UNC79: variants seen among roughly 807,000 people sequenced by gnomAD.
UNC79 encodes the protein protein unc-79 homolog.
A neutral mutation model predicts 283.1 loss-of-function variants in UNC79; 37 were observed. The ratio of observed to expected loss-of-function variants is 0.13; its 90% confidence interval spans 0.10 to 0.17. The LOEUF (loss-of-function observed/expected upper bound fraction) is 0.17, where lower values mean the gene tolerates loss of function less well. Ranked by LOEUF, UNC79 falls within the 10% of genes least tolerant of loss-of-function variation. The pLI is 1.00. For synonymous variants in UNC79, 1,107 were observed against 1,200.2 expected (o/e 0.92, Z 1.61); for missense variants, 2,272 against 3,211.1 (o/e 0.71, Z 7.07).
At chr14:93,524,147 CT>C in intron 8 of UNC79, 105 bp downstream of exon 8, 1 of 1,279,480 alleles carries the variant, frequency 7.8e-7, no homozygotes, top group Non-Finnish European at 1.1e-6. Context: ...GGCATGTCCT[CT>C]GTAGTAATTC....
intron 1 of UNC79, among the ~76,000 whole-genome samples, chr14:93,448,356 C>A (rs895439506): frequency 4.6e-5 from 7 of 151,998 alleles, no homozygotes; most frequent in Non-Finnish European, 7.4e-5. Context: ...TCTTGTTCTT[C>A]TTGCATGATT....
At chr14:93,613,896 CTTTG>C (rs1189687447) in intron 27 of UNC79, among the ~76,000 whole-genome samples, 1 of 152,118 alleles carries the variant, frequency 6.6e-6, no homozygotes, top group African/African-American at 2.4e-5. Context: ...TGTTCCAATA[CTTTG>C]TTTGGTGTAA....
At chr14:93,666,302 G>T (rs963646681) in intron 40 of UNC79, among the ~76,000 whole-genome samples, 1 of 152,048 alleles carries the variant, frequency 6.6e-6, no homozygotes, top group Non-Finnish European at 1.5e-5. Context: ...ATAAGCACAC[G>T]TAGGATGACA....
At chr14:93,505,289 A>C (rs138164709) in intron 7 of UNC79, among the ~76,000 whole-genome samples, 1 of 152,024 alleles carries the variant, frequency 6.6e-6, no homozygotes, top group South Asian at 2.1e-4. Context: ...GGATTTGTCT[A>C]TTCCTCTTTG....
intron 1 of UNC79, among the ~76,000 whole-genome samples, chr14:93,345,387 T>C (rs1248596878): frequency 6.6e-6 from 1 of 152,160 alleles, no homozygotes; most frequent in Non-Finnish European, 1.5e-5. Flanking sequence ...CATAAGATAC[T>C]TGAATAAAAC....
intron 14 of UNC79, among the ~76,000 whole-genome samples, chr14:93,560,909 G>A: frequency 6.6e-6 from 1 of 152,102 alleles, no homozygotes; most frequent in East Asian, 1.9e-4. Context: ...GGAGAGGCTC[G>A]ATTTTCATGG....
intron 33 of UNC79, among the ~76,000 whole-genome samples, chr14:93,642,357 G>A (rs956206978): frequency 7.9e-5 from 12 of 151,096 alleles, no homozygotes; most frequent in African/African-American, 2.2e-4. Flanking sequence ...CCTGGGAGGC[G>A]GAGCTTGCAG....
intron 26 of UNC79, among the ~76,000 whole-genome samples, chr14:93,606,723 A>C (rs1266926652): frequency 2.0e-5 from 3 of 152,086 alleles, no homozygotes; most frequent in Non-Finnish European, 4.4e-5. Context: ...ACAATTTATG[A>C]CTCTCTGATC....
At chr14:93,669,192 G>T (rs547913407) in intron 40 of UNC79, among the ~76,000 whole-genome samples, 35 of 152,154 alleles carry the variant, frequency 2.3e-4, no homozygotes, top group Admixed American at 2.1e-3. Flanking sequence ...TCTTCTGGTG[G>T]TGGTAAACAA....
intron 5 of UNC79, among the ~76,000 whole-genome samples, chr14:93,492,410 A>C (rs2058771964): frequency 6.6e-6 from 1 of 152,166 alleles, no homozygotes; most frequent in South Asian, 2.1e-4. Flanking sequence ...CCCAGGCTGG[A>C]GTGCAGTGGC....
At position 93,540,842 on chromosome 14, in the gene UNC79, G is replaced by T. The variant is rs76903693; in HGVS notation, c.1524+11G>T. Reference sequence around the variant, plus strand: ...GGAATATGGTTCTTAGTAAGAAAAAGAAGTTAACTATTCTCCACTTTCTTA... The same window carrying T: ...GGAATATGGTTCTTAGTAAGAAAAATAAGTTAACTATTCTCCACTTTCTTA... On this transcript the variant is annotated intron_variant, in intron 13 of 48. Coordinates refer to ENST00000555664, the Ensembl canonical transcript of UNC79. 777 of 1,611,036 alleles carry T rather than the reference G, an allele frequency of 4.8e-4. 1 individual carries two copies. The highest frequency in any genetic ancestry group is 6.1e-4 in the Non-Finnish European group (720 of 1,179,684).
Position 93,430,675 on chromosome 14 carries a change from TC to T in UNC79, c.-350del. On this transcript the variant is annotated 5_prime_UTR_variant, in exon 1 of 49. Transcript: ENST00000555664. The surrounding 1 kb of genome is among the most constrained non-coding windows in gnomAD (Gnocchi z 4.6). The stretch of plus-strand genomic sequence containing the variant: ...TGCGCCTTATGAATGGAAATACTCC[TC>T]CCCCGGTCGAGCCCATTTTCCCATT... 4.5e-6 allele frequency: 1 copy of T among 222,450 alleles called. No homozygotes were observed. The highest frequency in any genetic ancestry group is 9.2e-6 in the Non-Finnish European group (1 of 108,772). The allele number at this position is 222,450 out of a possible 1,614,324, so 13.8% of individuals were successfully genotyped here. A position where few individuals can be genotyped will look rare whatever the true frequency, so the allele number is the denominator to read the frequency against.
rs80323573 is a variant in UNC79 at position 93,580,177 on chromosome 14, T to C, written c.2462T>C (p.Met821Thr). ...GAGTTACAAGATGATGGAATCACGA[T>C]GGGTTTAGAGCACAGCTTATCAAAG... is the stretch of plus-strand genomic sequence containing the variant. Residue 821 changes from methionine to threonine, a missense_variant, in exon 19 of 49, where the codon ATG (methionine) becomes ACG (threonine). By Grantham distance (81) the Met-to-Thr change is moderately conservative (BLOSUM62 -1). This residue lies in a region of UNC79 where 356 missense variants were observed against 416.2 expected (regional missense o/e 0.86). Coordinates refer to ENST00000555664, the Ensembl canonical transcript of UNC79. The C allele has an allele frequency of 3.5e-4, 565 of 1,613,746 alleles. No homozygotes were observed. Among genetic ancestry groups the C allele is most frequent in the Admixed American group, 4.5e-4 (27 of 59,950 alleles).
At chr14:93,644,196 C>T (rs1179227592) in intron 34 of UNC79, among the ~76,000 whole-genome samples, 2 of 152,146 alleles carry the variant, frequency 1.3e-5, no homozygotes, top group Non-Finnish European at 1.5e-5. Flanking sequence ...AAGAAGGATG[C>T]ACACATTTGG....
intron 37 of UNC79, 137 bp from the exon 41 acceptor site, chr14:93,655,097 C>A: frequency 1.2e-6 from 1 of 828,112 alleles, no homozygotes; most frequent in South Asian, 2.4e-5. Flanking sequence ...CAGTCTATCA[C>A]AGGGATTGGC....
At chr14:93,580,654 G>T (rs937008450) in intron 19 of UNC79, among the ~76,000 whole-genome samples, 1 of 152,138 alleles carries the variant, frequency 6.6e-6, no homozygotes, top group East Asian at 1.9e-4. Context: ...ATTCTTAAAA[G>T]AACTTTTATC....
At chr14:93,554,055 A>G (rs1038566065) in intron 14 of UNC79, among the ~76,000 whole-genome samples, 4 of 152,182 alleles carry the variant, frequency 2.6e-5, no homozygotes, top group Non-Finnish European at 4.4e-5. Context: ...AACCAGACCC[A>G]GTAAAGACAG....
intron 27 of UNC79, among the ~76,000 whole-genome samples, chr14:93,614,440 C>T (rs2066542826): frequency 6.6e-6 from 1 of 151,950 alleles, no homozygotes; most frequent in Non-Finnish European, 1.5e-5. Flanking sequence ...CTTCAGCCTC[C>T]AGAATAGCTG....
chr14:93,461,726 T>G (rs1407586239), intron 1 of UNC79, among the ~76,000 whole-genome samples: 2 of 152,076 alleles, frequency 1.3e-5, no homozygotes, highest in African/African-American at 2.4e-5. Flanking sequence ...GTCACCTAAA[T>G]AAATACATCA....
Sources: gnomAD v4.1 joint callset for allele counts (sites outside exome capture counted in the v4.1 genomes callset) on GRCh38, gnomAD v4.1.1 for gene constraint, gnomAD v4.1.1 regional missense constraint, Gnocchi (gnomAD v3.1) non-coding constraint, MANE v1.5 for transcripts, NCBI Gene and HGNC (gene_info 2026-07-23, HGNC 2026-07-21) for gene names.